ADAMTS18: variants seen among roughly 807,000 people sequenced by gnomAD.
The protein encoded by ADAMTS18 is A disintegrin and metalloproteinase with thrombospondin motifs 18.
Under a neutral mutation model 165.9 loss-of-function variants are expected in ADAMTS18, and 157 were observed. The observed-to-expected ratio is 0.95, with a 90% CI of 0.83 to 1.08. The LOEUF (loss-of-function observed/expected upper bound fraction) is 1.08, where lower values mean the gene tolerates loss of function less well. ADAMTS18 is among the 50% of genes least tolerant of loss of function. ADAMTS18 has a pLI of 0.00. For synonymous variants in ADAMTS18, 782 were observed against 578.2 expected (o/e 1.35, Z -5.06); for missense variants, 2,040 against 1,534.0 (o/e 1.33, Z -5.51).
In ADAMTS18 at chr16:77,362,267, A is replaced by G. The variant is rs552066778; in HGVS notation, c.1057-3T>C. 1.4e-4 allele frequency: 232 copies of G among 1,614,088 alleles called. No homozygotes were observed. In the South Asian group the frequency reaches 2.3e-3, roughly 16 times the overall value. ...TGATGGTTGATCAATAATCCTCCCT[A>G]TGGGAAACCCACACAAATCAAAGTG... is the stretch of plus-strand genomic sequence containing the variant. On this transcript the variant is annotated splice_polypyrimidine_tract_variant and splice_region_variant and intron_variant, in intron 6 of 22. Coordinates refer to ENST00000282849, the MANE Select transcript of ADAMTS18 (RefSeq NM_199355.4).
intron 3 of ADAMTS18, among the ~76,000 whole-genome samples, chr16:77,422,925 C>CAGAG (rs1196463026): frequency 6.6e-6 from 1 of 152,164 alleles, no homozygotes; most frequent in East Asian, 1.9e-4. Context: ...ACAACTCTCC[C>CAGAG]AGAGAGGTTC....
intron 3 of ADAMTS18, among the ~76,000 whole-genome samples, chr16:77,385,099 G>C (rs1451586511): frequency 6.6e-6 from 1 of 151,968 alleles, no homozygotes; most frequent in African/African-American, 2.4e-5. Context: ...AGTAGAGACA[G>C]GGTTTCACCA....
rs1567515152 is a variant in ADAMTS18 at position 77,364,355 on chromosome 16, T to C, written c.805A>G (p.Thr269Ala). ...CCATATTCATCAAACCTTAGATAGG[T>C]GTCCTCTGTGGGAGGCTTGGGAGCA... is the stretch of plus-strand genomic sequence containing the variant. ...KYAPKPPTED[T>A]YLRFDEYGSS... The change falls in exon 5 of 23, where the codon ACC becomes GCC. Residue 269 changes from threonine (T) to alanine (A), a missense_variant. Physicochemically the swap from Thr to Ala is moderately conservative, Grantham distance 58. Coordinates refer to ENST00000282849, the MANE Select transcript of ADAMTS18 (RefSeq NM_199355.4). 6.2e-7 allele frequency: 1 copy of C among 1,613,806 alleles called. No homozygotes were observed. The highest frequency in any genetic ancestry group is 1.3e-5 in the African/African-American group (1 of 74,902).
At position 77,399,941 on chromosome 16, in the gene ADAMTS18, G is replaced by A. The variant is rs114703497; in HGVS notation, c.495+31354C>T. On this transcript the variant is annotated intron_variant, in intron 3 of 22. Coordinates refer to ENST00000282849, the MANE Select transcript of ADAMTS18 (RefSeq NM_199355.4). Reference sequence around the variant, plus strand: ...GGAATCCTATAGGAGTCTATCTTTAGGAAGAGAGTGGCTTATATGAACATC... The same window carrying A: ...GGAATCCTATAGGAGTCTATCTTTAAGAAGAGAGTGGCTTATATGAACATC... Among the ~76,000 whole-genome samples, 621 of 152,246 alleles carry A rather than the reference G, an allele frequency of 4.1e-3. 8 individuals carry two copies. Among genetic ancestry groups the A allele is most frequent in the African/African-American group, 0.014 (601 of 41,538 alleles).
At chr16:77,313,885 G>A (rs1049244540) in intron 16 of ADAMTS18, among the ~76,000 whole-genome samples, 44 of 152,254 alleles carry the variant, frequency 2.9e-4, no homozygotes, top group Middle Eastern at 6.8e-3. Context: ...GTAACACAAT[G>A]TATCTAAAAA....
rs2055183124 is a variant in ADAMTS18 at position 77,283,266 on chromosome 16, A to C, written c.*690T>G. 1 of 152,608 alleles carries C rather than the reference A, an allele frequency of 6.6e-6. No homozygotes were observed. Among genetic ancestry groups the C allele is most frequent in the Non-Finnish European group, 1.5e-5 (1 of 68,102 alleles). The allele number at this position is 152,608 out of a possible 1,614,324, so 9.5% of individuals were successfully genotyped here. ...TTGCATGAATTTCAATTACATGGAGATCTTAAACAGTCCATGTTGCCCTAT... is the reference window on the plus strand; with the variant it reads ...TTGCATGAATTTCAATTACATGGAGCTCTTAAACAGTCCATGTTGCCCTAT... On this transcript the variant is annotated 3_prime_UTR_variant, in exon 23 of 23. Transcript: ENST00000282849.
chr16:77,396,747 C>T (rs1306329163), intron 3 of ADAMTS18, among the ~76,000 whole-genome samples: 1 of 151,484 alleles, frequency 6.6e-6, no homozygotes, highest in Non-Finnish European at 1.5e-5. Flanking sequence ...CAGAGAGCTG[C>T]ACATTAAACG....
At chr16:77,425,021 A>T (rs2057653916) in intron 3 of ADAMTS18, among the ~76,000 whole-genome samples, 1 of 152,222 alleles carries the variant, frequency 6.6e-6, no homozygotes, top group Non-Finnish European at 1.5e-5. Flanking sequence ...CCAGCAACAG[A>T]CAACTCAATG....
intron 10 of ADAMTS18, among the ~76,000 whole-genome samples, chr16:77,348,570 G>T (rs2056510634): frequency 6.6e-6 from 1 of 152,206 alleles, no homozygotes; most frequent in Non-Finnish European, 1.5e-5. Flanking sequence ...CTGCTTTGAG[G>T]AGGGATGAGA....
At chr16:77,427,283 T>C (rs1018509022) in intron 3 of ADAMTS18, among the ~76,000 whole-genome samples, 1 of 152,244 alleles carries the variant, frequency 6.6e-6, no homozygotes, top group Non-Finnish European at 1.5e-5. Context: ...CAGATGATTT[T>C]TGAGCAGTAA....
chr16:77,411,514 G>T (rs2057462666), intron 3 of ADAMTS18, among the ~76,000 whole-genome samples: 1 of 152,056 alleles, frequency 6.6e-6, no homozygotes, highest in Non-Finnish European at 1.5e-5. Context: ...TAGCCATCTA[G>T]TACAGGAGAC....
chr16:77,348,374 C>A (rs1010483509), intron 10 of ADAMTS18, among the ~76,000 whole-genome samples: 2 of 152,154 alleles, frequency 1.3e-5, no homozygotes, highest in Non-Finnish European at 2.9e-5. Context: ...ACCAACTATC[C>A]CTTCACACTT....
intron 3 of ADAMTS18, among the ~76,000 whole-genome samples, chr16:77,418,538 CAA>C (rs2144843208): frequency 6.6e-6 from 1 of 152,274 alleles, no homozygotes; most frequent in Admixed American, 6.5e-5. Context: ...TCCATCCTAA[CAA>C]ACCAATATGT....
chr16:77,284,571 G>C (rs1435349730), intron 22 of ADAMTS18, among the ~76,000 whole-genome samples: 3 of 152,104 alleles, frequency 2.0e-5, no homozygotes, highest in Non-Finnish European at 2.9e-5. Flanking sequence ...CTTTGGTAGG[G>C]GGGTGAGGTA....
Position 77,355,968 on chromosome 16 carries a change from T to C in ADAMTS18, c.1432A>G (p.Ser478Gly). 6.2e-7 allele frequency: 1 copy of C among 1,614,112 alleles called. No individual in the cohort carries two copies. Among genetic ancestry groups the C allele is most frequent in the South Asian group, 1.1e-5 (1 of 91,082 alleles). ...NNGVFSWSSC[S>G]RQYLKKFLST... is the part of the protein sequence containing the mutation. ...AGGAATTTCTTGAGATACTGGCGGCTGCAGGAAGACCATGAAAACACTCCA... is the reference window on the plus strand; with the variant it reads ...AGGAATTTCTTGAGATACTGGCGGCCGCAGGAAGACCATGAAAACACTCCA... The change falls in exon 9 of 23, where the codon AGC (serine) becomes GGC (glycine). Residue 478 changes from serine (S) to glycine (G), a missense_variant. Transcript: ENST00000282849.
intron 3 of ADAMTS18, among the ~76,000 whole-genome samples, chr16:77,405,124 A>T (rs1403988727): frequency 6.6e-6 from 1 of 152,192 alleles, no homozygotes; most frequent in East Asian, 1.9e-4. Flanking sequence ...TTTGTCTTGA[A>T]GCAGCACTTG....
At chr16:77,347,806 T>C (rs1326107158) in intron 10 of ADAMTS18, among the ~76,000 whole-genome samples, 4 of 152,182 alleles carry the variant, frequency 2.6e-5, no homozygotes, top group Non-Finnish European at 5.9e-5. Flanking sequence ...CAGTATAGTA[T>C]AATGGTTAAT....
chr16:77,292,220 C>T (rs901683444), intron 20 of ADAMTS18, among the ~76,000 whole-genome samples: 5 of 152,072 alleles, frequency 3.3e-5, no homozygotes, highest in South Asian at 2.1e-4. Context: ...ATTACCTGAG[C>T]GAGGGAGGTG....
chr16:77,358,347 C>T (rs2056662144), intron 8 of ADAMTS18, among the ~76,000 whole-genome samples: 1 of 152,152 alleles, frequency 6.6e-6, no homozygotes, highest in East Asian at 1.9e-4. Flanking sequence ...AAACCGAGGT[C>T]GGCAGATCAC....
Sources: allele counts gnomAD v4.1 joint callset (sites outside exome capture counted in the v4.1 genomes callset), GRCh38; gene constraint gnomAD v4.1.1; transcripts MANE v1.5; gene names NCBI Gene and HGNC (gene_info 2026-07-23, HGNC 2026-07-21).